H2BW2: variants seen among roughly 807,000 people sequenced by gnomAD.
H2BW2 encodes histone H2B type F-M.
H2BW2 carries 8 observed loss-of-function variants against 9.2 expected under a neutral mutation model. The ratio of observed to expected loss-of-function variants is 0.87; its 90% CI spans 0.51 to 1.57. The LOEUF (loss-of-function observed/expected upper bound fraction) is 1.57, where lower values mean the gene tolerates loss of function less well. H2BW2 is among the 40% of genes most tolerant of loss of function. The pLI, the probability that H2BW2 is intolerant of heterozygous loss-of-function variation, is 0.00. For synonymous variants in H2BW2, 80 were observed against 56.8 expected, an observed-to-expected ratio of 1.41 and a Z score of -1.84; for missense variants, 193 against 137.3, an observed-to-expected ratio of 1.41 and a Z score of -2.03.
intron 1 of H2BW2, 35 bp downstream of exon 1, chrX:104,040,439 C>A: frequency 1.8e-6 from 2 of 1,081,177 alleles, no homozygotes; most frequent in Non-Finnish European, 2.4e-6. Flanking sequence ...CTCAGGAGCG[C>A]CTGAGCACCT....
At chrX:104,040,653 T>C (rs2075200471) in intron 1 of H2BW2, among the ~76,000 whole-genome samples, 175 bp from the exon 2 acceptor site, 2 of 112,606 alleles carry the variant, frequency 1.8e-5, no homozygotes, top group Non-Finnish European at 3.8e-5. Context: ...TAGTGCAATA[T>C]GCTCCAAGGA....
chrX:104,040,773 G>A, intron 1 of H2BW2, 55 bp from the exon 2 acceptor site: 1 of 590,360 alleles, frequency 1.7e-6, no homozygotes, highest in Non-Finnish European at 3.0e-6. Flanking sequence ...TCAATGTACT[G>A]ATGTTTACCT....
chrX:104,040,110 G>A lies in H2BW2; in HGVS notation c.116G>A (p.Arg39His), dbSNP rs781843434. ...AAGAGGCGAGGGTGCCGAGGCTCCC[G>A]CAGGCGCCACGCCAACCGCCGTGGG... is the stretch of plus-strand genomic sequence containing the variant. ...KQKRRGCRGS[R>H]RRHANRRGDS... The change falls in exon 1 of 4, where the codon CGC becomes CAC. Residue 39 changes from arginine to histidine, a missense_variant. Transcript: ENST00000675318. 9 of 1,167,073 alleles carry A rather than the reference G, an allele frequency of 7.7e-6. No individual in the cohort carries two copies. The highest frequency in any genetic ancestry group is 7.7e-5 in the South Asian group (4 of 51,883).
In H2BW2 at chrX:104,040,402, C is replaced by T; in HGVS notation, c.408C>T (p.Leu136=). 1 of 1,142,195 alleles carries T rather than the reference C, an allele frequency of 8.8e-7. No individual in the cohort carries two copies. The highest frequency in any genetic ancestry group is 1.2e-6 in the Non-Finnish European group (1 of 860,341). 94.1% of individuals were successfully genotyped at this position (1,142,195 alleles called of 1,213,427 possible). Residue 136 remains leucine, a splice_region_variant and synonymous_variant, in exon 1 of 4, where the codon CTC becomes CTT. Transcript: ENST00000675318. ...LAEAQGTNAA[L]RTSLCAIWQQ... ...AGGCCCAGGGCACGAATGCCGCCCT[C>T]AGGTACACCAAAAGCAAGTGAGCTG...
At position 104,041,114 on chromosome X, in the gene H2BW2, T is replaced by A; in HGVS notation, c.*41+8T>A. ...AACCTTCCTTACTTCCAGGTGTGTG[T>A]CAGTAGGATTACGGAGTGTCCACGG... On this transcript the variant is annotated splice_region_variant and intron_variant, in intron 3 of 3. Transcript: ENST00000675318. 1 of 415,634 alleles carries A rather than the reference T, an allele frequency of 2.4e-6. No individual in the cohort carries two copies. The highest frequency in any genetic ancestry group is 3.3e-5 in the South Asian group (1 of 30,034). 34.3% of individuals were successfully genotyped at this position (415,634 alleles called of 1,213,427 possible). A position where few individuals can be genotyped will look rare whatever the true frequency, so the allele number is the denominator to read the frequency against.
rs781889555 is a variant in H2BW2, at chrX:104,040,204, C to A, written c.210C>A (p.Ser70Arg). 2 of 1,192,681 alleles carry A rather than the reference C, an allele frequency of 1.7e-6. No individual in the cohort carries two copies. The highest frequency in any genetic ancestry group is 2.3e-6 in the Non-Finnish European group (2 of 885,643). Reference protein sequence around the residue: ...RVLKQVHQGLSLSQEAVSVMD... With the variant: ...RVLKQVHQGLRLSQEAVSVMD... The stretch of plus-strand genomic sequence containing the variant: ...TGAAGCAGGTTCACCAGGGCCTCAG[C>A]CTTTCCCAGGAGGCCGTGAGTGTCA... The change falls in exon 1 of 4, where the codon AGC (serine) becomes AGA (arginine). Residue 70 changes from serine (S) to arginine (R), a missense_variant. By Grantham distance (110) the Ser-to-Arg change is moderately radical (BLOSUM62 -1). Transcript: ENST00000675318.
chrX:104,041,611 T>C (rs1349225494), intron 3 of H2BW2: 1 of 111,940 alleles, frequency 8.9e-6, no homozygotes, highest in East Asian at 2.8e-4. Context: ...GCTTTCCTTT[T>C]CCATTGATTT....
intron 3 of H2BW2, chrX:104,041,769 C>T (rs1191569692): frequency 8.9e-6 from 1 of 112,357 alleles, no homozygotes; most frequent in African/African-American, 3.2e-5. Context: ...CAACCCTTCT[C>T]CTTCATATGT....
At chrX:104,041,219 TG>T in intron 3 of H2BW2, 113 bp downstream of exon 3, 1 of 196,515 alleles carries the variant, frequency 5.1e-6, no homozygotes, top group Non-Finnish European at 9.1e-6. Flanking sequence ...TGACCCAATG[TG>T]GGGGGAGTGA....
rs1556343558 is a variant in H2BW2 at position 104,040,023 on chromosome X, C to G, written c.29C>G (p.Ser10Trp). The change falls in exon 1 of 4, where the codon TCG (serine) becomes TGG (tryptophan). Residue 10 changes from serine to tryptophan, a missense_variant. Transcript: ENST00000675318. MAEASSETT[S>W]EEGQSIQEPK... ...GCTGAGGCTTCCTCTGAGACAACCT[C>G]GGAGGAAGGCCAGAGCATCCAGGAG... is the stretch of plus-strand genomic sequence containing the variant. The G allele has an allele frequency of 1.7e-6, 2 of 1,165,203 alleles. No homozygotes were observed. The highest frequency in any genetic ancestry group is 2.3e-6 in the Non-Finnish European group (2 of 871,904).
At chrX:104,040,961 G>A in intron 2 of H2BW2, 75 bp downstream of exon 2, 4 of 1,037,353 alleles carry the variant, frequency 3.9e-6, no homozygotes, top group Non-Finnish European at 5.3e-6. Flanking sequence ...CCCAGTTACA[G>A]TATATATATG....
In H2BW2 at chrX:104,040,741, G is replaced by A. The variant is rs2075200821; in HGVS notation, c.411-87G>A. On this transcript the variant is annotated intron_variant, in intron 1 of 3. Transcript: ENST00000675318. The stretch of plus-strand genomic sequence containing the variant: ...GCCGTTTTTCTTAGTTATCTTTCTA[G>A]GTTATCTTTATGATGATGTTATCAA... 5.5e-6 allele frequency: 3 copies of A among 544,733 alleles called. No homozygotes were observed. The Admixed American group carries it at 8.2e-5, about 15-fold the overall frequency. 44.9% of individuals were successfully genotyped at this position (544,733 alleles called of 1,213,427 possible).
At position 104,040,271 on chromosome X, in the gene H2BW2, G is replaced by A. The variant is rs781795208; in HGVS notation, c.277G>A (p.Glu93Lys). 20 of 1,194,368 alleles carry A rather than the reference G, an allele frequency of 1.7e-5. No individual in the cohort carries two copies. The highest frequency in any genetic ancestry group is 2.3e-4 in the Middle Eastern group (1 of 4,335). The change falls in exon 1 of 4, where the codon GAG becomes AAG. Residue 93 changes from glutamate to lysine, a missense_variant. Transcript: ENST00000675318. ...IHDILDRIAT[E>K]AGQLAHYTKR... ...TGACATATTGGACCGCATCGCCACC[G>A]AGGCTGGTCAGCTGGCCCATTACAC...
rs782467861 is a variant in H2BW2 at position 104,040,226 on chromosome X, G to T, written c.232G>T (p.Val78Phe). The part of the protein sequence containing the change: ...GLSLSQEAVS[V>F]MDSMIHDILD... ...CAGCCTTTCCCAGGAGGCCGTGAGT[G>T]TCATGGATTCTATGATCCATGACAT... Residue 78 changes from valine to phenylalanine, a missense_variant, in exon 1 of 4, where the codon GTC becomes TTC. Physicochemically the swap from Val to Phe is conservative, Grantham distance 50. Transcript: ENST00000675318. 3 of 1,192,219 alleles carry T rather than the reference G, an allele frequency of 2.5e-6. No homozygotes were observed. Among genetic ancestry groups the T allele is most frequent in the Non-Finnish European group, 3.4e-6 (3 of 886,344 alleles).
Position 104,040,312 on chromosome X carries a change from C to G in H2BW2, c.318C>G (p.Ile106Met). The G allele has an allele frequency of 8.4e-7, 1 of 1,196,873 alleles. No homozygotes were observed. Among genetic ancestry groups the G allele is most frequent in the Non-Finnish European group, 1.1e-6 (1 of 888,033 alleles). ...CCCATTACACCAAGCGCGTGACCAT[C>G]ACCTCCCGGGACATCCAGATGGCCG... ...QLAHYTKRVT[I>M]TSRDIQMAVR... Residue 106 changes from isoleucine (I) to methionine (M), a missense_variant, in exon 1 of 4, where the codon ATC becomes ATG. Ile to Met is a conservative substitution (Grantham distance 10, BLOSUM62 1). Transcript: ENST00000675318.
At chrX:104,040,981 A>C in intron 2 of H2BW2, 95 bp downstream of exon 2, 2 of 871,098 alleles carry the variant, frequency 2.3e-6, no homozygotes, top group Non-Finnish European at 1.6e-6. Context: ...GGCTAAATAA[A>C]ATTTTCAAGA....
At chrX:104,040,488 G>A (rs1227375309) in intron 1 of H2BW2, 84 bp downstream of exon 1, 2 of 912,155 alleles carry the variant, frequency 2.2e-6, no homozygotes, top group Non-Finnish European at 2.9e-6. Context: ...ACCGCCCGTG[G>A]CCCTATAGGC....
chrX:104,041,637 T>C (rs1488693752), intron 3 of H2BW2: 2 of 111,746 alleles, frequency 1.8e-5, no homozygotes, highest in Non-Finnish European at 3.8e-5. Context: ...CGCCCGAGTA[T>C]GTGGACAAGA....
Position 104,040,208 on chromosome X carries a change from T to C in H2BW2, c.214T>C (p.Ser72Pro). Residue 72 changes from serine (S) to proline (P), a missense_variant, in exon 1 of 4, where the codon TCC becomes CCC. By Grantham distance (74) the Ser-to-Pro change is moderately conservative. Coordinates refer to ENST00000675318, the MANE Select transcript of H2BW2 (RefSeq NM_001388464.1). ...GCAGGTTCACCAGGGCCTCAGCCTT[T>C]CCCAGGAGGCCGTGAGTGTCATGGA... ...LKQVHQGLSLSQEAVSVMDSM... is the reference protein window; with the variant it reads ...LKQVHQGLSLPQEAVSVMDSM... 1.7e-6 allele frequency: 2 copies of C among 1,192,959 alleles called. No homozygotes were observed. The highest frequency in any genetic ancestry group is 4.6e-5 in the Admixed American group (2 of 43,812).
Sources: gnomAD v4.1 joint callset for allele counts (sites outside exome capture counted in the v4.1 genomes callset) on GRCh38, gnomAD v4.1.1 for gene constraint, MANE v1.5 for transcripts, NCBI Gene and HGNC (gene_info 2026-07-23, HGNC 2026-07-21) for gene names.